The following FRMD4A variants were observed in gnomAD, a reference collection of about 807,000 sequenced individuals.
The protein encoded by FRMD4A is FERM domain containing 4A.
A neutral mutation model predicts 129.1 loss-of-function variants in FRMD4A; 29 were observed. The observed-to-expected ratio is 0.22, with a 90% CI of 0.17 to 0.31. FRMD4A has a LOEUF of 0.31. FRMD4A is among the 10% of genes least tolerant of loss of function. The pLI is 1.00. For missense variants in FRMD4A, 1,272 were observed against 1,375.8 expected, an observed-to-expected ratio of 0.92 and a Z score of 1.19; for synonymous variants, 634 against 571.6, an observed-to-expected ratio of 1.11 and a Z score of -1.56.
intron 2 of FRMD4A, among the ~76,000 whole-genome samples, chr10:14,140,765 G>GTATATA (rs144981498): frequency 6.6e-6 from 1 of 151,628 alleles, no homozygotes; most frequent in African/African-American, 2.4e-5. Context: ...TCACATGTAG[G>GTATATA]TATATATATA....
intron 6 of FRMD4A, among the ~76,000 whole-genome samples, chr10:13,774,918 C>T (rs1178908588): frequency 2.1e-5 from 3 of 146,042 alleles, no homozygotes; most frequent in South Asian, 2.2e-4. Context: ...ATTAAAAAAT[C>T]AGATAATATA....
At chr10:14,250,153 G>T (rs1245988355) in intron 2 of FRMD4A, among the ~76,000 whole-genome samples, 1 of 152,116 alleles carries the variant, frequency 6.6e-6, no homozygotes, top group Non-Finnish European at 1.5e-5. Flanking sequence ...TAGAGATGGG[G>T]TTTCACTATG....
chr10:13,993,376 T>C (rs2095610397), intron 2 of FRMD4A, among the ~76,000 whole-genome samples: 1 of 152,222 alleles, frequency 6.6e-6, no homozygotes, highest in Non-Finnish European at 1.5e-5. Flanking sequence ...TTCCACTCCA[T>C]CTAGCATGAA....
intron 2 of FRMD4A, among the ~76,000 whole-genome samples, chr10:14,022,513 C>G (rs1218257681): frequency 6.6e-6 from 1 of 152,146 alleles, no homozygotes; most frequent in African/African-American, 2.4e-5. Context: ...ATAAACATTG[C>G]ATAATGTTAA....
At chr10:13,832,635 C>A (rs764488592) in intron 3 of FRMD4A, among the ~76,000 whole-genome samples, 1 of 152,146 alleles carries the variant, frequency 6.6e-6, no homozygotes, top group Non-Finnish European at 1.5e-5. Flanking sequence ...CTCACAGCAA[C>A]CTTGAACTCT....
intron 3 of FRMD4A, among the ~76,000 whole-genome samples, chr10:13,850,184 G>T (rs538236108): frequency 5.9e-4 from 90 of 152,172 alleles, no homozygotes; most frequent in African/African-American, 2.0e-3. Flanking sequence ...ACCCCAGCCT[G>T]GGTGACAGAG....
chr10:13,839,172 T>C (rs887192624), intron 3 of FRMD4A, among the ~76,000 whole-genome samples: 2 of 151,916 alleles, frequency 1.3e-5, no homozygotes, highest in African/African-American at 4.8e-5. Context: ...ATTAAAATTT[T>C]TGTTTGTTTG....
intron 2 of FRMD4A, among the ~76,000 whole-genome samples, chr10:14,012,521 C>T (rs1413986006): frequency 1.3e-5 from 2 of 152,034 alleles, no homozygotes; most frequent in East Asian, 3.9e-4. Context: ...GGGGAATGTT[C>T]CATTGGAGAG....
At position 13,749,667 on chromosome 10, in the gene FRMD4A, C is replaced by T. The variant is rs1490466940; in HGVS notation, c.465-1848G>A. On this transcript the variant is annotated intron_variant, in intron 8 of 24. Coordinates refer to ENST00000357447, the MANE Select transcript of FRMD4A (RefSeq NM_018027.5). ...GGAGGTTTGGTGACATTAGAGCACT[C>T]CCAGAAAAAGCATTTTTCTGTTGCC... is the stretch of plus-strand genomic sequence containing the variant. Among the ~76,000 whole-genome samples, 3 of 152,020 alleles carry T rather than the reference C, an allele frequency of 2.0e-5. No homozygotes were observed. In the East Asian group the frequency reaches 5.8e-4, roughly 29 times the overall value.
chr10:13,730,217 C>A (rs368755810), intron 12 of FRMD4A, among the ~76,000 whole-genome samples: 11 of 152,290 alleles, frequency 7.2e-5, no homozygotes, highest in African/African-American at 2.4e-4. Context: ...AACGTAAGGA[C>A]CCCTCCCCTA....
intron 2 of FRMD4A, among the ~76,000 whole-genome samples, chr10:14,034,935 T>C (rs1833425684): frequency 6.6e-6 from 1 of 152,206 alleles, no homozygotes; most frequent in South Asian, 2.1e-4. Context: ...CATCACTTAG[T>C]TGGTGACTTG....
At chr10:13,842,136 G>A (rs1382954586) in intron 3 of FRMD4A, among the ~76,000 whole-genome samples, 2 of 152,184 alleles carry the variant, frequency 1.3e-5, no homozygotes, top group East Asian at 3.8e-4. Flanking sequence ...TGAAGGCAGA[G>A]GGGTTTGGGG....
intron 2 of FRMD4A, among the ~76,000 whole-genome samples, chr10:14,070,988 C>A (rs1424315353): frequency 6.6e-6 from 1 of 152,210 alleles, no homozygotes; most frequent in Non-Finnish European, 1.5e-5. Flanking sequence ...AGACAAAATT[C>A]ATGCCAGTGA....
chr10:14,280,470 A>T (rs1230101592), intron 2 of FRMD4A, among the ~76,000 whole-genome samples: 1 of 152,134 alleles, frequency 6.6e-6, no homozygotes, highest in Admixed American at 6.5e-5. Flanking sequence ...TAGACCTACC[A>T]GGGGCAAATC....
At chr10:13,809,329 T>C (rs2093407854) in intron 4 of FRMD4A, among the ~76,000 whole-genome samples, 1 of 152,196 alleles carries the variant, frequency 6.6e-6, no homozygotes, top group African/African-American at 2.4e-5. Flanking sequence ...ACGGGATCTT[T>C]TAGTAAACTT....
chr10:14,022,514 A>C (rs528194912), intron 2 of FRMD4A, among the ~76,000 whole-genome samples: 13 of 152,336 alleles, frequency 8.5e-5, no homozygotes, highest in Non-Finnish European at 1.6e-4. Flanking sequence ...TAAACATTGC[A>C]TAATGTTAAA....
intron 2 of FRMD4A, among the ~76,000 whole-genome samples, chr10:14,101,619 T>C (rs1002901787): frequency 6.6e-6 from 1 of 152,108 alleles, no homozygotes; most frequent in African/African-American, 2.4e-5. Context: ...GAAAAGAAAA[T>C]TGATGACACG....
intron 3 of FRMD4A, among the ~76,000 whole-genome samples, chr10:13,825,170 A>G (rs967602680): frequency 1.3e-5 from 2 of 152,220 alleles, no homozygotes; most frequent in Admixed American, 1.3e-4. Context: ...ATAATAAAAT[A>G]CAACAATTCT....
At chr10:14,235,383 C>A (rs545261110) in intron 2 of FRMD4A, among the ~76,000 whole-genome samples, 4 of 151,746 alleles carry the variant, frequency 2.6e-5, no homozygotes, top group African/African-American at 9.7e-5. Context: ...CTCCTGACCT[C>A]GCGATCCACC....
Sources: gnomAD v4.1 joint callset for allele counts (sites outside exome capture counted in the v4.1 genomes callset) on GRCh38, gnomAD v4.1.1 for gene constraint, MANE v1.5 for transcripts, NCBI Gene and HGNC (gene_info 2026-07-23, HGNC 2026-07-21) for gene names.